Variants in RAP1A observed in about 807,000 individuals in gnomAD.
RAP1A encodes RAP1A, member of RAS oncogene family.
A neutral mutation model predicts 26.4 loss-of-function variants in RAP1A; 6 were observed. The ratio of observed to expected loss-of-function variants is 0.23; its 90% CI spans 0.12 to 0.45. The LOEUF (loss-of-function observed/expected upper bound fraction) is 0.45. RAP1A is among the 20% of genes least tolerant of loss of function. The pLI, the probability that RAP1A is intolerant of heterozygous loss-of-function variation, is 0.99. For missense variants in RAP1A, 121 were observed against 217.2 expected, an observed-to-expected ratio of 0.56 and a Z score of 2.78; for synonymous variants, 73 against 79.4, an observed-to-expected ratio of 0.92 and a Z score of 0.43.
chr1:111,618,380 AT>A (rs1659060414), upstream of RAP1A, among the ~76,000 whole-genome samples: 1 of 152,116 alleles, frequency 6.6e-6, no homozygotes, highest in Non-Finnish European at 1.5e-5. Flanking sequence ...TGAAACAATT[AT>A]CTTGTTTTCC....
intron 1 of RAP1A, among the ~76,000 whole-genome samples, chr1:111,581,651 C>T (rs76189370): frequency 0.031 from 4,769 of 152,238 alleles, 261 homozygotes; most frequent in African/African-American, 0.11. Flanking sequence ...TAGATTCCAT[C>T]CTGTTTCCTT....
intron 1 of RAP1A, among the ~76,000 whole-genome samples, chr1:111,555,114 C>T (rs1016758224): frequency 3.3e-5 from 5 of 152,004 alleles, no homozygotes; most frequent in African/African-American, 9.6e-5. Flanking sequence ...ACCTGTAATT[C>T]CAACACTCTG....
In RAP1A at chr1:111,672,249, A is replaced by C. The variant is rs1360466534; in HGVS notation, c.-27-19085A>C. Reference sequence around the variant, plus strand: ...CTTTGTATGCTTTAATTTATATTTAAATTTTATTTTTCTATTGAGTGCTAT... The same window carrying C: ...CTTTGTATGCTTTAATTTATATTTACATTTTATTTTTCTATTGAGTGCTAT... On this transcript the variant is annotated intron_variant, in intron 1 of 7. Transcript: ENST00000369709. Among the ~76,000 whole-genome samples the C allele has an allele frequency of 4.6e-5, 7 of 152,082 alleles. No individual in the cohort carries two copies. The South Asian group carries it at 8.3e-4, about 18-fold the overall frequency.
At chr1:111,612,763 A>G (rs1290095869) in intron 1 of RAP1A, among the ~76,000 whole-genome samples, 3 of 152,248 alleles carry the variant, frequency 2.0e-5, no homozygotes. Flanking sequence ...AATTACCTCT[A>G]TAGTCAAGAT....
At chr1:111,620,278 C>T (rs1053515209) in intron 1 of RAP1A, among the ~76,000 whole-genome samples, 1 of 152,250 alleles carries the variant, frequency 6.6e-6, no homozygotes, top group Admixed American at 6.5e-5. Context: ...TGTCATAGCA[C>T]AAGCCCATTT....
intron 1 of RAP1A, among the ~76,000 whole-genome samples, chr1:111,575,766 T>C (rs1658135733): frequency 6.6e-6 from 1 of 152,140 alleles, no homozygotes. Context: ...AATTCTAGCC[T>C]CCAGAACTGT....
chr1:111,626,364 TATAC>T (rs1305794822), intron 1 of RAP1A, among the ~76,000 whole-genome samples: 1 of 109,598 alleles, frequency 9.1e-6, no homozygotes, highest in Non-Finnish European at 1.8e-5. Flanking sequence ...TCTGCATATG[TATAC>T]ATACACACAC....
intron 1 of RAP1A, among the ~76,000 whole-genome samples, chr1:111,581,828 T>A (rs1658263160): frequency 1.3e-5 from 2 of 152,208 alleles, no homozygotes. Flanking sequence ...GAAATAAAAT[T>A]GACTTTTATT....
chr1:111,624,119 A>G (rs191964162), intron 1 of RAP1A, among the ~76,000 whole-genome samples: 1 of 152,348 alleles, frequency 6.6e-6, no homozygotes, highest in East Asian at 1.9e-4. Context: ...AATTGGTTAT[A>G]ACAATTAATT....
chr1:111,665,917 T>G (rs1660786071), intron 1 of RAP1A, among the ~76,000 whole-genome samples: 1 of 152,332 alleles, frequency 6.6e-6, no homozygotes, highest in East Asian at 1.9e-4. Flanking sequence ...TTTAGAGCTT[T>G]AAAATGATTT....
At chr1:111,558,019 T>A (rs1284421249) in intron 1 of RAP1A, among the ~76,000 whole-genome samples, 2 of 151,728 alleles carry the variant, frequency 1.3e-5, no homozygotes, top group Non-Finnish European at 2.9e-5. Context: ...AGGCATAGAA[T>A]CTGAATCCAA....
intron 1 of RAP1A, among the ~76,000 whole-genome samples, chr1:111,638,647 A>T (rs1295985892): frequency 6.6e-6 from 1 of 152,070 alleles, no homozygotes; most frequent in Admixed American, 6.5e-5. Context: ...AATGGTCTTG[A>T]ACTCTTGGGC....
chr1:111,677,487 G>C (rs530898181), intron 1 of RAP1A, among the ~76,000 whole-genome samples: 1 of 152,300 alleles, frequency 6.6e-6, no homozygotes, highest in African/African-American at 2.4e-5. Flanking sequence ...TCAGGGATTT[G>C]AGAGTGACTT....
chr1:111,707,267 A>G (rs1472623466), intron 6 of RAP1A, among the ~76,000 whole-genome samples: 1 of 152,174 alleles, frequency 6.6e-6, no homozygotes, highest in Non-Finnish European at 1.5e-5. Flanking sequence ...TGGACCATTT[A>G]AAAAAGGAAA....
chr1:111,688,097 CTT>C (rs542315869), intron 1 of RAP1A, among the ~76,000 whole-genome samples: 3 of 124,130 alleles, frequency 2.4e-5, no homozygotes, highest in Non-Finnish European at 3.2e-5. Flanking sequence ...TTGCCTCCAG[CTT>C]TTTTTTTTTT....
At chr1:111,648,212 T>G (rs1384445112) in intron 1 of RAP1A, 6 of 454,622 alleles carry the variant, frequency 1.3e-5, no homozygotes, top group African/African-American at 1.0e-4. Context: ...TGTATTTTTT[T>G]TTTTTTGACT....
In RAP1A at chr1:111,691,411, T is replaced by C. The variant is rs1661660931; in HGVS notation, c.51T>C (p.Ser17=). The change falls in exon 2 of 8, where the codon TCT becomes TCC. Residue 17 remains serine (S), a synonymous_variant. Coordinates refer to ENST00000369709, the MANE Select transcript of RAP1A (RefSeq NM_002884.4). ...VVLGSGGVGK[S]ALTVQFVQGI... is the part of the protein sequence containing the mutation. The stretch of plus-strand genomic sequence containing the variant: ...TTGGTTCAGGAGGCGTTGGGAAGTC[T>C]GCTCTGGTAAGTTAGCCACCTAACT... 1 of 1,611,962 alleles carries C rather than the reference T, an allele frequency of 6.2e-7. No individual in the cohort carries two copies. The highest frequency in any genetic ancestry group is 8.5e-7 in the Non-Finnish European group (1 of 1,178,048).
intron 1 of RAP1A, among the ~76,000 whole-genome samples, chr1:111,679,345 G>A (rs1432158410): frequency 3.3e-5 from 5 of 152,108 alleles, no homozygotes; most frequent in African/African-American, 9.7e-5. Flanking sequence ...CATGAGGAAC[G>A]GTGCTATTCA....
chr1:111,684,598 G>C (rs1661409614), intron 1 of RAP1A, among the ~76,000 whole-genome samples: 1 of 152,116 alleles, frequency 6.6e-6, no homozygotes, highest in African/African-American at 2.4e-5. Context: ...CCTCTTCAAG[G>C]AGAACTACAA....
Sources: allele counts gnomAD v4.1 joint callset (sites outside exome capture counted in the v4.1 genomes callset), GRCh38; gene constraint gnomAD v4.1.1; transcripts MANE v1.5; gene names NCBI Gene and HGNC (gene_info 2026-07-23, HGNC 2026-07-21).